The following DMD variants were observed in gnomAD, a reference collection of about 807,000 sequenced individuals.
DMD encodes the protein mutant dystrophin.
Under a neutral mutation model 330.1 loss-of-function variants are expected in DMD, and 63 were observed. That is an observed-to-expected ratio of 0.19 (90% CI 0.16 to 0.24). DMD has a LOEUF of 0.24. Among genes scored for constraint, DMD ranks in the 10% least tolerant of loss-of-function variants. The pLI, the probability that DMD is intolerant of heterozygous loss-of-function variation, is 1.00. For synonymous variants in DMD, 1,223 were observed against 959.8 expected, an observed-to-expected ratio of 1.27 and a Z score of -5.07; for missense variants, 3,344 against 2,684.1, an observed-to-expected ratio of 1.25 and a Z score of -5.43.
At chrX:33,037,293 T>G (rs1331743892) in intron 1 of DMD, among the ~76,000 whole-genome samples, 3 of 110,471 alleles carry the variant, frequency 2.7e-5, no homozygotes, top group Non-Finnish European at 3.8e-5. Context: ...CTCTCCTTCC[T>G]CTTGTAAGGT....
intron 42 of DMD, among the ~76,000 whole-genome samples, chrX:32,294,405 T>C (rs1363213113): frequency 9.0e-6 from 1 of 111,488 alleles, no homozygotes; most frequent in East Asian, 2.8e-4. Context: ...AGTTATGGCT[T>C]TGATATGGTA....
chrX:31,923,308 A>G (rs1198244419), intron 47 of DMD, among the ~76,000 whole-genome samples: 1 of 111,619 alleles, frequency 9.0e-6, no homozygotes, highest in Admixed American at 9.5e-5. Context: ...TATAAATTAG[A>G]GATATGAATA....
chrX:31,822,058 T>C (rs1171305218), intron 49 of DMD, among the ~76,000 whole-genome samples: 3 of 112,399 alleles, frequency 2.7e-5, no homozygotes. Flanking sequence ...CCAGACTTTG[T>C]GCCAGTTACT....
At chrX:32,466,611 T>A (rs113211400) in intron 23 of DMD, among the ~76,000 whole-genome samples, 2,813 of 110,609 alleles carry the variant, frequency 0.025, 91 homozygotes, top group African/African-American at 0.087. Flanking sequence ...AAGGTCCTAA[T>A]TAAAAGGAAG....
Position 31,178,040 on chromosome X carries a change from G to T in DMD, c.10224-70C>A. The stretch of plus-strand genomic sequence containing the variant: ...CAGCCGCAAAAAAATTTACTGAAAG[G>T]TCAAAATAAATAAAATCCAGCCAAT... On this transcript the variant is annotated intron_variant, in intron 70 of 78. Transcript: ENST00000357033. The T allele has an allele frequency of 3.6e-6, 4 of 1,117,160 alleles. No individual in the cohort carries two copies. The South Asian group carries it at 7.6e-5, about 21-fold the overall frequency. The allele number at this position is 1,117,160 out of a possible 1,213,427, so 92.1% of individuals were successfully genotyped here. A position where few individuals can be genotyped will look rare whatever the true frequency, so the allele number is the denominator to read the frequency against.
chrX:31,418,338 C>A (rs1164150110), intron 60 of DMD, among the ~76,000 whole-genome samples: 1 of 110,973 alleles, frequency 9.0e-6, no homozygotes, highest in Non-Finnish European at 1.9e-5. Flanking sequence ...GTGGGCTCTG[C>A]CCTCATGATC....
At chrX:31,303,582 C>T (rs1002850105) in intron 62 of DMD, among the ~76,000 whole-genome samples, 1 of 111,562 alleles carries the variant, frequency 9.0e-6, no homozygotes, top group Non-Finnish European at 1.9e-5. Context: ...CAAATCTATG[C>T]CTTTCTCACC....
intron 49 of DMD, among the ~76,000 whole-genome samples, chrX:31,822,842 T>G (rs979683098): frequency 2.7e-5 from 3 of 110,665 alleles, no homozygotes; most frequent in Non-Finnish European, 3.8e-5. Flanking sequence ...CTTTAATTCA[T>G]AGTACCCCCT....
At chrX:32,153,883 T>C (rs1474683959) in intron 44 of DMD, among the ~76,000 whole-genome samples, 1 of 112,301 alleles carries the variant, frequency 8.9e-6, no homozygotes, top group South Asian at 3.7e-4. Context: ...GCAGAAACTA[T>C]AATGAAAATG....
At chrX:32,606,880 T>A (rs1226487634) in intron 12 of DMD, among the ~76,000 whole-genome samples, 3 of 109,193 alleles carry the variant, frequency 2.7e-5, no homozygotes, top group Non-Finnish European at 3.9e-5. Context: ...GTGAAGTAAC[T>A]TGGAAACAGA....
intron 44 of DMD, among the ~76,000 whole-genome samples, chrX:32,216,165 GA>G (rs1004918305): frequency 1.6e-4 from 18 of 111,868 alleles, no homozygotes; most frequent in African/African-American, 5.8e-4. Context: ...ATTGCAACAT[GA>G]ACAATTTGAG....
intron 18 of DMD, among the ~76,000 whole-genome samples, chrX:32,508,341 G>A (rs1053785957): frequency 1.8e-5 from 2 of 111,895 alleles, no homozygotes; most frequent in African/African-American, 6.5e-5. Flanking sequence ...ATACAAGTAT[G>A]CCTTGAAGAG....
chrX:32,195,799 C>G (rs755334724), intron 44 of DMD, among the ~76,000 whole-genome samples: 51 of 110,840 alleles, frequency 4.6e-4, no homozygotes, highest in African/African-American at 1.5e-3. Flanking sequence ...TCTGTTGTTC[C>G]CTCTTTCTAT....
chrX:33,213,391 A>C (rs2148867481), upstream of DMD, among the ~76,000 whole-genome samples: 1 of 111,865 alleles, frequency 8.9e-6, no homozygotes, highest in African/African-American at 3.2e-5. Context: ...AAGATTTTAT[A>C]ATCCAGGTGC....
intron 4 of DMD, among the ~76,000 whole-genome samples, chrX:32,837,649 C>G (rs371076085): frequency 7.2e-5 from 8 of 111,833 alleles, no homozygotes; most frequent in Non-Finnish European, 1.5e-4. Context: ...TTTCTGTATG[C>G]CACGTGTTTA....
intron 11 of DMD, among the ~76,000 whole-genome samples, chrX:32,630,542 T>C (rs564443389): frequency 3.1e-4 from 35 of 111,487 alleles, no homozygotes; most frequent in South Asian, 1.9e-3. Context: ...TTGTCTCCTC[T>C]GACTGTATTT....
chrX:33,059,983 C>CT lies in DMD; in HGVS notation c.32-39784dup, dbSNP rs766073214. 4.5e-5 allele frequency among the ~76,000 whole-genome samples: 5 copies of CT among 111,939 alleles called. 1 individual carries two copies. Among genetic ancestry groups the CT allele is most frequent in the South Asian group, 3.7e-4 (1 of 2,702 alleles). On this transcript the variant is annotated intron_variant, in intron 1 of 78. Transcript: ENST00000357033. ...CAGCCAAGATTAGTTTTCAGTTAGT[C>CT]TTTTTATACCATCTTTCAAAACAAA...
chrX:32,787,268 GAGAGAA>G (rs2075461031), intron 7 of DMD, among the ~76,000 whole-genome samples: 1 of 104,108 alleles, frequency 9.6e-6, no homozygotes, highest in Non-Finnish European at 1.9e-5. Flanking sequence ...GAGAGAGAGA[GAGAGAA>G]AGAGAGAGAG....
intron 13 of DMD, among the ~76,000 whole-genome samples, chrX:32,579,465 C>T (rs1388798787): frequency 3.6e-5 from 4 of 111,828 alleles, no homozygotes; most frequent in African/African-American, 9.7e-5. Context: ...ATCCATTTGG[C>T]TACAAGTTCA....
Sources: allele counts gnomAD v4.1 joint callset (sites outside exome capture counted in the v4.1 genomes callset), GRCh38; gene constraint gnomAD v4.1.1; transcripts MANE v1.5; gene names NCBI Gene and HGNC (gene_info 2026-07-23, HGNC 2026-07-21).